The following NT5DC1 variants were observed in gnomAD, a reference collection of about 807,000 sequenced individuals.
The protein encoded by NT5DC1 is 5'-nucleotidase domain-containing protein 1.
NT5DC1 carries 42 observed loss-of-function variants against 59.4 expected under a neutral mutation model. That is an observed-to-expected ratio of 0.71 (90% confidence interval 0.55 to 0.92). NT5DC1 has a LOEUF of 0.92. NT5DC1 is among the 40% of genes least tolerant of loss of function. The pLI, the probability that NT5DC1 is intolerant of heterozygous loss-of-function variation, is 0.00. For synonymous variants in NT5DC1, 172 were observed against 188.1 expected, an observed-to-expected ratio of 0.91 and a Z score of 0.70; for missense variants, 501 against 537.1, an observed-to-expected ratio of 0.93 and a Z score of 0.66.
intron 6 of NT5DC1, among the ~76,000 whole-genome samples, chr6:116,184,251 C>G (rs1284047563): frequency 6.6e-6 from 1 of 152,004 alleles, no homozygotes; most frequent in Non-Finnish European, 1.5e-5. Flanking sequence ...ATATGAAACC[C>G]ACTTGATCAT....
At chr6:116,117,672 G>A (rs1219164431) in intron 5 of NT5DC1, among the ~76,000 whole-genome samples, 189 bp from the exon 6 acceptor site, 1 of 152,116 alleles carries the variant, frequency 6.6e-6, no homozygotes, top group Admixed American at 6.5e-5. Flanking sequence ...AAAAACAATT[G>A]TTGTATGGGT....
chr6:116,206,460 C>T (rs564602081), intron 6 of NT5DC1, among the ~76,000 whole-genome samples: 1 of 152,102 alleles, frequency 6.6e-6, no homozygotes, highest in African/African-American at 2.4e-5. Flanking sequence ...TGACTCAAGA[C>T]TGTCTGATTT....
intron 6 of NT5DC1, among the ~76,000 whole-genome samples, chr6:116,194,186 A>C (rs1781180193): frequency 2.6e-5 from 4 of 152,132 alleles, no homozygotes; most frequent in African/African-American, 9.6e-5. Context: ...GATTTTGAGC[A>C]GTTGTGAAAA....
In NT5DC1 at chr6:116,115,734, T is replaced by C. The variant is rs146635641; in HGVS notation, c.408T>C (p.Ala136=). 8.7e-6 allele frequency: 14 copies of C among 1,605,686 alleles called. No individual in the cohort carries two copies. In the African/African-American group the frequency reaches 1.9e-4, roughly 21 times the overall value. The change falls in exon 5 of 12, where the codon GCT becomes GCC. Residue 136 remains alanine, a synonymous_variant. Transcript: ENST00000319550. ...ACAACTACTTTGACCTGCCAGGAGC[T>C]CTTCTGTGTGCCAGGGTGGTGGACT... ...FYDNYFDLPG[A]LLCARVVDYL...
intron 6 of NT5DC1, chr6:116,121,137 G>A: frequency 1.9e-6 from 3 of 1,613,418 alleles, no homozygotes; most frequent in Non-Finnish European, 2.5e-6. Flanking sequence ...AGACCTGCTG[G>A]CCCTTGTTCC....
chr6:116,119,901 C>A, intron 6 of NT5DC1: 2 of 647,286 alleles, frequency 3.1e-6, no homozygotes, highest in East Asian at 2.7e-5. Flanking sequence ...TACGTTTTTA[C>A]GTTGCTGCTC....
At chr6:116,113,495 A>C (rs1039856114) in intron 4 of NT5DC1, among the ~76,000 whole-genome samples, 1 of 152,174 alleles carries the variant, frequency 6.6e-6, no homozygotes, top group African/African-American at 2.4e-5. Context: ...TGTCTCTTCT[A>C]TACAGAGGTG....
At chr6:116,191,247 CCTCTGACCCAAA>C (rs1781111425) in intron 6 of NT5DC1, among the ~76,000 whole-genome samples, 1 of 151,986 alleles carries the variant, frequency 6.6e-6, no homozygotes, top group Admixed American at 6.6e-5. Context: ...AGAATTTGTA[CCTCTGACCCAAA>C]CTCCAAGGAC....
chr6:116,162,081 C>T (rs1174174722), intron 6 of NT5DC1, among the ~76,000 whole-genome samples: 4 of 151,834 alleles, frequency 2.6e-5, no homozygotes, highest in African/African-American at 9.7e-5. Flanking sequence ...TCTGCTTGAC[C>T]ATTGTTGGTG....
chr6:116,103,070 T>C (rs1310411963), intron 1 of NT5DC1, among the ~76,000 whole-genome samples: 3 of 152,250 alleles, frequency 2.0e-5, no homozygotes, highest in African/African-American at 4.8e-5. Context: ...CTGCATGATA[T>C]TAACACTTCC....
intron 6 of NT5DC1, among the ~76,000 whole-genome samples, chr6:116,213,993 C>T (rs1355960330): frequency 6.6e-6 from 1 of 152,086 alleles, no homozygotes; most frequent in Non-Finnish European, 1.5e-5. Flanking sequence ...TCCCAAGTAG[C>T]TGGGACTATA....
chr6:116,125,433 A>G lies in NT5DC1; in HGVS notation c.529+7488A>G, dbSNP rs777324834. 2 of 1,613,904 alleles carry G rather than the reference A, an allele frequency of 1.2e-6. No homozygotes were observed. The highest frequency in any genetic ancestry group is 2.2e-5 in the East Asian group (1 of 44,816). ...TGGGCATTTGGTATCGTTCAGCGTA[A>G]AACACTCCATGAACCAAGTTCAAGG... On this transcript the variant is annotated intron_variant, in intron 6 of 11. Transcript: ENST00000319550.
chr6:116,103,403 G>T (rs1356811806), intron 1 of NT5DC1, among the ~76,000 whole-genome samples: 1 of 151,874 alleles, frequency 6.6e-6, no homozygotes, highest in Non-Finnish European at 1.5e-5. Flanking sequence ...GTGTATCCAG[G>T]GCAACTAAGC....
intron 6 of NT5DC1, among the ~76,000 whole-genome samples, chr6:116,166,318 A>G (rs1780464702): frequency 6.6e-6 from 1 of 152,146 alleles, no homozygotes; most frequent in Non-Finnish European, 1.5e-5. Context: ...CTGACATCCA[A>G]AATCCCTAGT....
At chr6:116,121,445 T>G (rs771118636) in intron 6 of NT5DC1, 2 of 1,613,962 alleles carry the variant, frequency 1.2e-6, no homozygotes, top group Non-Finnish European at 1.7e-6. Flanking sequence ...AACCCCATTT[T>G]CACCTCTTTT....
intron 6 of NT5DC1, among the ~76,000 whole-genome samples, chr6:116,191,014 G>A (rs924723700): frequency 1.3e-5 from 2 of 151,968 alleles, no homozygotes; most frequent in African/African-American, 4.8e-5. Flanking sequence ...GAGGCTCAGA[G>A]GCCTCAAGTG....
At chr6:116,226,838 T>C (rs746253913) in intron 8 of NT5DC1, among the ~76,000 whole-genome samples, 30 of 152,054 alleles carry the variant, frequency 2.0e-4, no homozygotes, top group Non-Finnish European at 2.9e-5. Context: ...TAATTTGTAT[T>C]TCATTTATTT....
In NT5DC1 at chr6:116,238,854, C is replaced by T. The variant is rs1361269446; in HGVS notation, c.1084-101C>T. 9.8e-6 allele frequency: 7 copies of T among 713,128 alleles called. No homozygotes were observed. In the East Asian group the frequency reaches 1.5e-4, roughly 16 times the overall value. 44.2% of individuals were successfully genotyped at this position (713,128 alleles called of 1,614,324 possible). A position where few individuals can be genotyped will look rare whatever the true frequency, so the allele number is the denominator to read the frequency against. ...TGGGCCCAAAGCCTATTTGTAGATT[C>T]CTACAGGGTTTCAAAGTTTTTATTT... On this transcript the variant is annotated intron_variant, in intron 10 of 11. Coordinates refer to ENST00000319550, the MANE Select transcript of NT5DC1 (RefSeq NM_152729.3).
chr6:116,100,890 C>G lies in NT5DC1; in HGVS notation c.-41C>G, dbSNP rs76705525. 6.6e-7 allele frequency: 1 copy of G among 1,505,072 alleles called. No homozygotes were observed. The highest frequency in any genetic ancestry group is 2.5e-5 in the East Asian group (1 of 40,278). 93.2% of individuals were successfully genotyped at this position (1,505,072 alleles called of 1,614,324 possible). ...CGTCCCGCCAGCCAGCTCCTTGCAC[C>G]CTTCGCGGCCGAGGCGCTCCCTGGT... is the stretch of plus-strand genomic sequence containing the variant. On this transcript the variant is annotated 5_prime_UTR_variant, in exon 1 of 12. Transcript: ENST00000319550.
Sources: gnomAD v4.1 joint callset for allele counts (sites outside exome capture counted in the v4.1 genomes callset) on GRCh38, gnomAD v4.1.1 for gene constraint, MANE v1.5 for transcripts, NCBI Gene and HGNC (gene_info 2026-07-23, HGNC 2026-07-21) for gene names.